Variants in LAMA4 observed in about 807,000 individuals in gnomAD.
The protein encoded by LAMA4 is laminin subunit alpha 4, also known as laminin subunit alpha-4.
LAMA4 carries 127 observed loss-of-function variants against 207.1 expected under a neutral mutation model. That is an observed-to-expected ratio of 0.61 (90% CI 0.53 to 0.71). The LOEUF is 0.71. LAMA4 is among the 30% of genes least tolerant of loss of function. The pLI is 0.00. For synonymous variants in LAMA4, 761 were observed against 816.0 expected, an observed-to-expected ratio of 0.93 and a Z score of 1.15; for missense variants, 2,093 against 2,246.5, an observed-to-expected ratio of 0.93 and a Z score of 1.38.
intron 31 of LAMA4, among the ~76,000 whole-genome samples, chr6:112,125,234 T>G (rs1418257600): frequency 2.1e-5 from 3 of 140,184 alleles, no homozygotes; most frequent in African/African-American, 9.9e-5. Flanking sequence ...TGAAGGAGCT[T>G]TTTTTCCTCT....
chr6:112,206,621 G>A (rs558104564), intron 4 of LAMA4, among the ~76,000 whole-genome samples: 3 of 152,308 alleles, frequency 2.0e-5, no homozygotes, highest in Admixed American at 2.0e-4. Context: ...CATATGTAGG[G>A]AAATGTTTCC....
At chr6:112,215,840 C>T (rs1554358445) in intron 3 of LAMA4, among the ~76,000 whole-genome samples, 1 of 152,188 alleles carries the variant, frequency 6.6e-6, no homozygotes, top group East Asian at 1.9e-4. Context: ...CTCCTGGGGG[C>T]TTAAACACAG....
chr6:112,177,217 A>T (rs552670474), intron 10 of LAMA4, among the ~76,000 whole-genome samples: 8 of 152,222 alleles, frequency 5.3e-5, no homozygotes, highest in African/African-American at 1.9e-4. Context: ...TTTATTGTTT[A>T]TAATAGACAT....
intron 13 of LAMA4, chr6:112,159,497 T>C (rs9487833): frequency 0.28 from 42,736 of 153,840 alleles, 6,020 homozygotes; most frequent in East Asian, 0.34. Flanking sequence ...ATCGTGCAAC[T>C]GTGTAGACGG....
At chr6:112,245,405 T>G (rs1257723921) in intron 2 of LAMA4, among the ~76,000 whole-genome samples, 2 of 152,192 alleles carry the variant, frequency 1.3e-5, no homozygotes, top group East Asian at 3.9e-4. Flanking sequence ...GGACTGACAT[T>G]TGGCTTTCTA....
At position 112,133,468 on chromosome 6, in the gene LAMA4, G is replaced by A. The variant is rs782251597; in HGVS notation, c.3577C>T (p.Pro1193Ser). The A allele has an allele frequency of 1.9e-6, 3 of 1,613,566 alleles. No individual in the cohort carries two copies. Among genetic ancestry groups the A allele is most frequent in the South Asian group, 1.1e-5 (1 of 91,078 alleles). ...LQSRALRAHL[P>S]LDINFRGCMK... ...CATCCTCTGAAGTTGATATCTAGGG[G>A]AAGGTGTGCTCTGAGGGCCCTGGAA... Residue 1193 changes from proline to serine, a missense_variant, in exon 27 of 39, where the codon CCC becomes TCC. Pro to Ser is a moderately conservative substitution (Grantham distance 74). Around this residue, in one of 3 missense-constraint regions of LAMA4, gnomAD observed 1,704 missense variants for 1,788.4 expected, o/e 0.95. Transcript: ENST00000230538.
intron 10 of LAMA4, among the ~76,000 whole-genome samples, chr6:112,175,903 A>G (rs1781998050): frequency 6.6e-6 from 1 of 152,222 alleles, no homozygotes; most frequent in South Asian, 2.1e-4. Flanking sequence ...AAATGCTCAG[A>G]GATCACTCCT....
intron 13 of LAMA4, among the ~76,000 whole-genome samples, chr6:112,162,777 T>C (rs1781133030): frequency 1.3e-5 from 2 of 152,094 alleles, no homozygotes; most frequent in South Asian, 4.2e-4. Flanking sequence ...TGGAACTCCG[T>C]GGAGGTGTCA....
At chr6:112,141,015 G>A in intron 21 of LAMA4, 93 bp from the exon 22 acceptor site, 1 of 1,108,852 alleles carries the variant, frequency 9.0e-7, no homozygotes, top group Non-Finnish European at 1.4e-6. Flanking sequence ...ATCACAAAAT[G>A]GGTAATTTTG....
rs540533010 is a variant in LAMA4, at chr6:112,200,007, G to A, written c.503+1601C>T. 6 of 471,658 alleles carry A rather than the reference G, an allele frequency of 1.3e-5. No individual in the cohort carries two copies. In the East Asian group the frequency reaches 3.9e-4, roughly 31 times the overall value. 29.2% of individuals were successfully genotyped at this position (471,658 alleles called of 1,614,324 possible). A position where few individuals can be genotyped will look rare whatever the true frequency, so the allele number is the denominator to read the frequency against. The stretch of plus-strand genomic sequence containing the variant: ...TTTAGCTGCCTAAACACAATGGTGA[G>A]GCCAATGCTAATGGCATTTCTGTTA... On this transcript the variant is annotated intron_variant, in intron 5 of 38. Transcript: ENST00000230538.
intron 31 of LAMA4, among the ~76,000 whole-genome samples, chr6:112,126,435 TC>T (rs1462046667): frequency 6.6e-6 from 1 of 152,194 alleles, no homozygotes; most frequent in African/African-American, 2.4e-5. Context: ...GCAAAATCCT[TC>T]ATGAGAATCA....
intron 2 of LAMA4, 105 bp downstream of exon 2, chr6:112,253,851 G>T: frequency 6.2e-7 from 1 of 1,614,234 alleles, no homozygotes; most frequent in African/African-American, 1.3e-5. Context: ...AACTCTCAAG[G>T]CACTGGGGAG....
rs182853881 is a variant in LAMA4 at position 112,185,304 on chromosome 6, A to G, written c.1010T>C (p.Ile337Thr). The G allele has an allele frequency of 1.9e-5, 31 of 1,613,684 alleles. No homozygotes were observed. In the East Asian group the frequency reaches 6.9e-4, roughly 36 times the overall value. The change falls in exon 9 of 39, where the codon ATA becomes ACA. Residue 337 changes from isoleucine (I) to threonine (T), a missense_variant. Transcript: ENST00000230538. ...ERENQYALRKIQINNAENTMK... is the reference protein window; with the variant it reads ...ERENQYALRKTQINNAENTMK... ...CGTGTTCTCAGCATTGTTGATTTGT[A>G]TCTTTCTTAGGGCGTATTGGTTTTC...
chr6:112,208,913 T>C (rs1168695376), intron 3 of LAMA4, among the ~76,000 whole-genome samples: 6 of 152,150 alleles, frequency 3.9e-5, no homozygotes, highest in African/African-American at 1.4e-4. Flanking sequence ...AAGTATGATA[T>C]GCAGACAACA....
At chr6:112,237,348 A>G (rs1164617222) in intron 2 of LAMA4, among the ~76,000 whole-genome samples, 2 of 152,238 alleles carry the variant, frequency 1.3e-5, no homozygotes, top group African/African-American at 4.8e-5. Context: ...CCTAGGAGGC[A>G]CTGATTTGAA....
intron 31 of LAMA4, among the ~76,000 whole-genome samples, chr6:112,128,296 A>G (rs1254757603): frequency 6.6e-6 from 1 of 152,202 alleles, no homozygotes; most frequent in Non-Finnish European, 1.5e-5. Context: ...AACGCGGATG[A>G]GCCTGGAGGA....
At position 112,173,674 on chromosome 6, in the gene LAMA4, C is replaced by G. The variant is rs549617713; in HGVS notation, c.1358-870G>C. ...GCCTGAGATTCTTCTTTGGTTCTTA[C>G]TGTTTCTAAGACTTTACATATTTGC... is the stretch of plus-strand genomic sequence containing the variant. On this transcript the variant is annotated intron_variant, in intron 11 of 38. Coordinates refer to ENST00000230538, the MANE Select transcript of LAMA4 (RefSeq NM_001105206.3). Among the ~76,000 whole-genome samples the G allele has an allele frequency of 2.0e-5, 3 of 152,284 alleles. No homozygotes were observed. The South Asian group carries it at 6.2e-4, about 32-fold the overall frequency.
chr6:112,133,480 T>G lies in LAMA4; in HGVS notation c.3565A>C (p.Arg1189=). Residue 1189 remains arginine, a synonymous_variant, in exon 27 of 39, where the codon AGA becomes CGA. Coordinates refer to ENST00000230538, the MANE Select transcript of LAMA4 (RefSeq NM_001105206.3). The stretch of plus-strand genomic sequence containing the variant: ...TTGATATCTAGGGGAAGGTGTGCTC[T>G]GAGGGCCCTGGAAAAGAAAGTCAGC... ...PPEILQSRAL[R]AHLPLDINFR... 1 of 1,613,658 alleles carries G rather than the reference T, an allele frequency of 6.2e-7. No individual in the cohort carries two copies. The highest frequency in any genetic ancestry group is 1.1e-5 in the South Asian group (1 of 91,072).
chr6:112,223,233 C>T (rs1209735596), intron 2 of LAMA4, among the ~76,000 whole-genome samples: 3 of 151,978 alleles, frequency 2.0e-5, no homozygotes, highest in African/African-American at 7.3e-5. Context: ...TTTACTGGGG[C>T]AAATGCCTTG....
Sources: allele counts gnomAD v4.1 joint callset (sites outside exome capture counted in the v4.1 genomes callset), GRCh38; gene constraint gnomAD v4.1.1; regional missense constraint gnomAD v4.1.1; transcripts MANE v1.5; gene names NCBI Gene and HGNC (gene_info 2026-07-23, HGNC 2026-07-21).